Variants in SDK1 observed in about 807,000 individuals in gnomAD.
SDK1 encodes the protein sidekick cell adhesion molecule 1.
A neutral mutation model predicts 245.5 loss-of-function variants in SDK1; 157 were observed. The ratio of observed to expected loss-of-function variants is 0.64; its 90% CI spans 0.56 to 0.73. The LOEUF (loss-of-function observed/expected upper bound fraction) is 0.73, where lower values mean the gene tolerates loss of function less well. SDK1 is among the 30% of genes least tolerant of loss of function. The pLI is 0.00. For missense variants in SDK1, 3,583 were observed against 3,002.3 expected, an observed-to-expected ratio of 1.19 and a Z score of -4.52; for synonymous variants, 1,647 against 1,278.5, an observed-to-expected ratio of 1.29 and a Z score of -6.15.
At chr7:3,373,814 C>T (rs1332950867) in intron 1 of SDK1, among the ~76,000 whole-genome samples, 3 of 152,120 alleles carry the variant, frequency 2.0e-5, no homozygotes, top group South Asian at 2.1e-4. Context: ...GTACAAACTT[C>T]AGTAGCTTTT....
intron 29 of SDK1, among the ~76,000 whole-genome samples, chr7:4,148,402 G>A (rs1780131934): frequency 6.6e-6 from 1 of 152,250 alleles, no homozygotes; most frequent in Non-Finnish European, 1.5e-5. Context: ...GCAGATGATG[G>A]GCACTCCAGG....
At chr7:3,982,930 A>G (rs546395541) in intron 13 of SDK1, among the ~76,000 whole-genome samples, 1 of 152,272 alleles carries the variant, frequency 6.6e-6, no homozygotes, top group African/African-American at 2.4e-5. Context: ...TCCAGCCCTC[A>G]TGGATGAGGC....
intron 40 of SDK1, among the ~76,000 whole-genome samples, chr7:4,223,958 T>C (rs1785274242): frequency 6.6e-6 from 1 of 152,206 alleles, no homozygotes; most frequent in African/African-American, 2.4e-5. Flanking sequence ...AATGAGTCCA[T>C]GAAGCGTAGA....
chr7:3,381,632 C>G (rs1562452636), intron 1 of SDK1, among the ~76,000 whole-genome samples: 1 of 152,082 alleles, frequency 6.6e-6, no homozygotes, highest in Non-Finnish European at 1.5e-5. Flanking sequence ...TGAGAAGGAT[C>G]CTAGAAGGAT....
At position 3,797,234 on chromosome 7, in the gene SDK1, C is replaced by T. The variant is rs555797393; in HGVS notation, c.714-24216C>T. Among the ~76,000 whole-genome samples, 5 of 152,142 alleles carry T rather than the reference C, an allele frequency of 3.3e-5. No individual in the cohort carries two copies. The East Asian group carries it at 5.8e-4, about 18-fold the overall frequency. On this transcript the variant is annotated intron_variant, in intron 4 of 44. Coordinates refer to ENST00000404826, the MANE Select transcript of SDK1 (RefSeq NM_152744.4). ...CTAGCTCCAAGCATTCCTCCTGCCT[C>T]GGCCTCCCAAAGTGCTGGGATTATA...
At chr7:3,351,667 C>T (rs1780663405) in intron 1 of SDK1, among the ~76,000 whole-genome samples, 1 of 151,958 alleles carries the variant, frequency 6.6e-6, no homozygotes, top group South Asian at 2.1e-4. Flanking sequence ...GAAATCAAGG[C>T]AAAAGGCATT....
chr7:3,465,173 C>T (rs973003700), intron 1 of SDK1, among the ~76,000 whole-genome samples: 6 of 152,114 alleles, frequency 3.9e-5, no homozygotes, highest in African/African-American at 1.4e-4. Flanking sequence ...GTGGGATTCT[C>T]AGGGTGAGCC....
chr7:3,751,973 A>T (rs1779786938), intron 4 of SDK1, among the ~76,000 whole-genome samples: 1 of 152,216 alleles, frequency 6.6e-6, no homozygotes, highest in Non-Finnish European at 1.5e-5. Context: ...TGGGAGGTGT[A>T]TTTGAGATAG....
chr7:4,204,019 G>A (rs546264568), intron 35 of SDK1, among the ~76,000 whole-genome samples: 1 of 152,350 alleles, frequency 6.6e-6, no homozygotes, highest in Admixed American at 6.5e-5. Context: ...AGACCCACCA[G>A]TTCCTACAGG....
At chr7:3,659,872 G>A (rs1783300437) in intron 4 of SDK1, among the ~76,000 whole-genome samples, 1 of 152,174 alleles carries the variant, frequency 6.6e-6, no homozygotes, top group Non-Finnish European at 1.5e-5. Flanking sequence ...GAATCCACAG[G>A]GCCAAAAGAG....
At position 4,265,756 on chromosome 7, in the gene SDK1, A is replaced by G; in HGVS notation, c.*372A>G. 1 of 1,040,832 alleles carries G rather than the reference A, an allele frequency of 9.6e-7. No individual in the cohort carries two copies. The highest frequency in any genetic ancestry group is 4.2e-5 in the South Asian group (1 of 23,856). 64.5% of individuals were successfully genotyped at this position (1,040,832 alleles called of 1,614,324 possible). ...AAGCGGGGAGAGGGAGTGGAGGGTC[A>G]GGTGAGATCTCAGAGCTGCCCCGGC... On this transcript the variant is annotated 3_prime_UTR_variant, in exon 45 of 45. Transcript: ENST00000404826.
At chr7:3,570,580 G>A (rs1167545317) in intron 1 of SDK1, among the ~76,000 whole-genome samples, 5 of 152,168 alleles carry the variant, frequency 3.3e-5, no homozygotes, top group Non-Finnish European at 7.3e-5. Flanking sequence ...ACTCTTTCAA[G>A]AAAGTCTCCA....
intron 5 of SDK1, among the ~76,000 whole-genome samples, chr7:3,862,492 G>T (rs1780718212): frequency 6.6e-6 from 1 of 152,156 alleles, no homozygotes; most frequent in African/African-American, 2.4e-5. Context: ...GATAACTTTT[G>T]TAACTTTGTC....
chr7:4,162,989 G>A (rs1024894415), intron 32 of SDK1, among the ~76,000 whole-genome samples: 3 of 152,256 alleles, frequency 2.0e-5, no homozygotes, highest in African/African-American at 7.2e-5. Flanking sequence ...CCCAGGGCCT[G>A]TGTAGCCCGG....
chr7:4,149,531 A>AGATAGTGGG, intron 30 of SDK1, 68 bp downstream of exon 30: 1 of 1,159,892 alleles, frequency 8.6e-7, no homozygotes, highest in Non-Finnish European at 1.2e-6. Flanking sequence ...GCTCCTGTCC[A>AGATAGTGGG]GATAGTGGGG....
At chr7:3,638,562 C>T (rs1311794968) in intron 2 of SDK1, among the ~76,000 whole-genome samples, 1 of 143,946 alleles carries the variant, frequency 6.9e-6, no homozygotes, top group African/African-American at 2.6e-5. Flanking sequence ...CATGTTCTCA[C>T]TCATAGGTGG....
chr7:3,896,373 G>C (rs1016831200), intron 5 of SDK1, among the ~76,000 whole-genome samples: 2 of 152,162 alleles, frequency 1.3e-5, no homozygotes, highest in African/African-American at 4.8e-5. Context: ...CCTTGTGTGG[G>C]CTGTCAGGAT....
chr7:3,401,934 C>T (rs1451449372), intron 1 of SDK1, among the ~76,000 whole-genome samples: 3 of 152,052 alleles, frequency 2.0e-5, no homozygotes, highest in Admixed American at 6.6e-5. Context: ...CATGTTCTTA[C>T]GTATGTGTGT....
intron 1 of SDK1, among the ~76,000 whole-genome samples, chr7:3,557,595 G>C (rs1249725617): frequency 6.6e-6 from 1 of 152,174 alleles, no homozygotes; most frequent in Non-Finnish European, 1.5e-5. Context: ...GAGGAAATCT[G>C]AGTAAGATAA....
Sources: allele counts gnomAD v4.1 joint callset (sites outside exome capture counted in the v4.1 genomes callset), GRCh38; gene constraint gnomAD v4.1.1; transcripts MANE v1.5; gene names NCBI Gene and HGNC (gene_info 2026-07-23, HGNC 2026-07-21).